The following DNAH7 variants were observed in gnomAD, a reference collection of about 807,000 sequenced individuals.
DNAH7 encodes dynein axonemal heavy chain 7.
DNAH7 carries 397 observed loss-of-function variants against 444.6 expected under a neutral mutation model. That is an observed-to-expected ratio of 0.89 (90% CI 0.82 to 0.97). DNAH7 has a LOEUF of 0.97. DNAH7 is among the 50% of genes least tolerant of loss of function. The pLI, the probability that DNAH7 is intolerant of heterozygous loss-of-function variation, is 0.00. For missense variants in DNAH7, 4,902 were observed against 4,800.8 expected, an observed-to-expected ratio of 1.02 and a Z score of -0.62; for synonymous variants, 1,636 against 1,624.4, an observed-to-expected ratio of 1.01 and a Z score of -0.17.
At chr2:195,922,398 A>G (rs1194199487) in intron 23 of DNAH7, among the ~76,000 whole-genome samples, 2 of 152,152 alleles carry the variant, frequency 1.3e-5, no homozygotes, top group Non-Finnish European at 2.9e-5. Context: ...TTCCCATAAA[A>G]TATTTTAGTA....
intron 35 of DNAH7, among the ~76,000 whole-genome samples, chr2:195,882,197 G>A (rs1177743530): frequency 6.6e-6 from 1 of 152,192 alleles, no homozygotes; most frequent in Non-Finnish European, 1.5e-5. Context: ...GAATACAAAT[G>A]AAACAGCAAT....
chr2:195,855,074 T>G (rs1219788067), intron 45 of DNAH7, among the ~76,000 whole-genome samples: 1 of 152,214 alleles, frequency 6.6e-6, no homozygotes, highest in Admixed American at 6.5e-5. Flanking sequence ...ACAAGTTGCT[T>G]GATCTTTCTG....
intron 40 of DNAH7, among the ~76,000 whole-genome samples, 196 bp from the exon 41 acceptor site, chr2:195,865,217 A>G (rs1378921219): frequency 1.3e-5 from 2 of 152,210 alleles, no homozygotes; most frequent in Non-Finnish European, 2.9e-5. Context: ...ATTTAGAATA[A>G]TAAGGTTATA....
intron 60 of DNAH7, among the ~76,000 whole-genome samples, chr2:195,775,455 T>C (rs183700755): frequency 4.6e-5 from 7 of 152,258 alleles, no homozygotes; most frequent in Admixed American, 3.3e-4. Context: ...GAAAATAAAA[T>C]AGGTAAAATT....
At chr2:196,047,617 A>G in intron 4 of DNAH7, 118 bp from the exon 5 acceptor site, 1 of 864,162 alleles carries the variant, frequency 1.2e-6, no homozygotes, top group Admixed American at 4.1e-5. Context: ...ATTATCAAGT[A>G]ATCCTAAGTA....
chr2:195,882,198 A>C (rs980968195), intron 35 of DNAH7, among the ~76,000 whole-genome samples: 3 of 152,228 alleles, frequency 2.0e-5, no homozygotes, highest in Non-Finnish European at 2.9e-5. Flanking sequence ...AATACAAATG[A>C]AACAGCAATA....
intron 10 of DNAH7, among the ~76,000 whole-genome samples, chr2:196,004,225 G>C (rs377224412): frequency 1.3e-3 from 197 of 152,252 alleles, no homozygotes; most frequent in African/African-American, 4.7e-3. Flanking sequence ...TACAGGCTAG[G>C]CTTGAAAAAG....
chr2:195,845,394 A>T (rs956266523), intron 46 of DNAH7, among the ~76,000 whole-genome samples: 1 of 152,218 alleles, frequency 6.6e-6, no homozygotes, highest in African/African-American at 2.4e-5. Flanking sequence ...TAGATTAAGC[A>T]CTTAAGTCAG....
intron 46 of DNAH7, among the ~76,000 whole-genome samples, chr2:195,847,637 C>A (rs1314265834): frequency 6.6e-6 from 1 of 151,104 alleles, no homozygotes; most frequent in Non-Finnish European, 1.5e-5. Context: ...TACCCCTGAA[C>A]CTAAAAGTTA....
At chr2:196,035,970 C>T (rs1242469318) in intron 5 of DNAH7, among the ~76,000 whole-genome samples, 5 of 152,020 alleles carry the variant, frequency 3.3e-5, no homozygotes, top group Admixed American at 6.6e-5. Flanking sequence ...GAGAGCAGAG[C>T]CAACACCACA....
intron 24 of DNAH7, among the ~76,000 whole-genome samples, chr2:195,910,521 A>C (rs1376252716): frequency 6.6e-6 from 1 of 152,236 alleles, no homozygotes; most frequent in East Asian, 1.9e-4. Context: ...GTTACAGATA[A>C]GAAAACAAAT....
intron 19 of DNAH7, among the ~76,000 whole-genome samples, chr2:195,949,681 G>T (rs1326313328): frequency 6.6e-6 from 1 of 152,044 alleles, no homozygotes; most frequent in Non-Finnish European, 1.5e-5. Context: ...GTCTTGTGCC[G>T]GTTTTTCAGA....
rs546323039 is a variant in DNAH7, at chr2:195,854,386, T to C, written c.8596-858A>G. On this transcript the variant is annotated intron_variant, in intron 45 of 64. Coordinates refer to ENST00000312428, the MANE Select transcript of DNAH7 (RefSeq NM_018897.3). Reference sequence around the variant, plus strand: ...GAATAGGAATTTGGCTTGTGCTTTTTACTAATGTTATTAGCATGTATATCA... The same window carrying C: ...GAATAGGAATTTGGCTTGTGCTTTTCACTAATGTTATTAGCATGTATATCA... Among the ~76,000 whole-genome samples, 319 of 152,322 alleles carry C rather than the reference T, an allele frequency of 2.1e-3. 2 individuals are homozygous for C. The highest frequency in any genetic ancestry group is 1.3e-3 in the Non-Finnish European group (86 of 67,994).
chr2:195,766,167 A>ATTTTTTTTGTTTTTTTTTTTTTTTTTT (rs1694570866), intron 61 of DNAH7, among the ~76,000 whole-genome samples: 1 of 57,328 alleles, frequency 1.7e-5, no homozygotes, highest in Non-Finnish European at 3.7e-5. Context: ...GTGGGAGCTA[A>ATTTTTTTTGTTTTTTTTTTTTTTTTTT]TTTTTTTTTT....
chr2:195,801,955 A>G (rs1419477619), intron 54 of DNAH7, among the ~76,000 whole-genome samples: 1 of 152,202 alleles, frequency 6.6e-6, no homozygotes, highest in Non-Finnish European at 1.5e-5. Flanking sequence ...GCAACAACAC[A>G]TTTATAAATG....
chr2:195,866,783 G>A (rs561537629), intron 40 of DNAH7, among the ~76,000 whole-genome samples: 25 of 152,106 alleles, frequency 1.6e-4, no homozygotes, highest in Non-Finnish European at 2.9e-4. Flanking sequence ...TACAGATATG[G>A]TTTGGCTGTG....
intron 47 of DNAH7, among the ~76,000 whole-genome samples, chr2:195,838,358 T>C (rs561640228): frequency 1.6e-4 from 24 of 151,832 alleles, no homozygotes; most frequent in African/African-American, 3.6e-4. Flanking sequence ...CTCAAAGAAA[T>C]AGACAGATTT....
chr2:195,976,763 G>GAGAGAGAGAGAGAGAGAC (rs1692227198), intron 15 of DNAH7, among the ~76,000 whole-genome samples: 1 of 141,764 alleles, frequency 7.1e-6, no homozygotes, highest in Non-Finnish European at 1.5e-5. Flanking sequence ...GAGAGAGAGA[G>GAGAGAGAGAGAGAGAGAC]AGAGAGAGAG....
Position 195,771,820 on chromosome 2 carries a change from C to T in DNAH7, c.11273G>A (p.Gly3758Asp). The T allele has an allele frequency of 6.2e-7, 1 of 1,614,106 alleles. No homozygotes were observed. Among genetic ancestry groups the T allele is most frequent in the Non-Finnish European group, 8.5e-7 (1 of 1,180,008 alleles). ...VVNEVASDILGKLPNNFDIEA... is the reference protein window; with the variant it reads ...VVNEVASDILDKLPNNFDIEA... ...GATGTCGAAGTTGTTTGGAAGTTTG[C>T]CCAAGATGTCACTAGCGACCTCATT... is the stretch of plus-strand genomic sequence containing the variant. The change falls in exon 61 of 65, where the codon GGC becomes GAC. Residue 3758 changes from glycine to aspartate, a missense_variant. Coordinates refer to ENST00000312428, the MANE Select transcript of DNAH7 (RefSeq NM_018897.3).
Sources: allele counts gnomAD v4.1 joint callset (sites outside exome capture counted in the v4.1 genomes callset), GRCh38; gene constraint gnomAD v4.1.1; transcripts MANE v1.5; gene names NCBI Gene and HGNC (gene_info 2026-07-23, HGNC 2026-07-21).